Variants in RENBP observed in about 807,000 individuals in gnomAD.
The protein encoded by RENBP is renin binding protein, also known as N-acylglucosamine 2-epimerase.
RENBP carries 16 observed loss-of-function variants against 37.8 expected under a neutral mutation model. The observed-to-expected ratio is 0.42, with a 90% confidence interval of 0.29 to 0.64. The LOEUF is 0.64. Among genes scored for constraint, RENBP ranks in the 30% least tolerant of loss-of-function variants. RENBP has a pLI of 0.19. For synonymous variants in RENBP, 170 were observed against 154.8 expected, an observed-to-expected ratio of 1.10 and a Z score of -0.73; for missense variants, 347 against 379.5, an observed-to-expected ratio of 0.91 and a Z score of 0.71.
At chrX:153,944,475 C>T (rs2065241187) in intron 1 of RENBP, 57 bp from the exon 2 acceptor site, 1 of 1,164,249 alleles carries the variant, frequency 8.6e-7, no homozygotes, top group Non-Finnish European at 1.2e-6. Flanking sequence ...GCCCCCCCAG[C>T]CTCGGGAACC....
At chrX:153,935,434 G>C in intron 10 of RENBP, 30 bp from the exon 11 acceptor site, 1 of 1,142,210 alleles carries the variant, frequency 8.8e-7, no homozygotes, top group South Asian at 1.9e-5. Context: ...GGTAGTGAGG[G>C]CCGGGGGCAG....
intron 8 of RENBP, among the ~76,000 whole-genome samples, 164 bp downstream of exon 8, chrX:153,941,314 G>A (rs1283087658): frequency 9.0e-6 from 1 of 110,615 alleles, no homozygotes; most frequent in African/African-American, 3.3e-5. Context: ...CCCTCTTCTG[G>A]GGTCTGGATC....
chrX:153,936,947 A>T (rs2065205619), intron 9 of RENBP: 1 of 112,141 alleles, frequency 8.9e-6, no homozygotes, highest in Non-Finnish European at 1.9e-5. Context: ...CTATAATCCC[A>T]GCACTTTGAG....
rs782454566 is a variant in RENBP at position 153,944,128 on chromosome X, C to T, written c.165G>A (p.Glu55=). ...HGGFFTCLGR[E]GRVYDDLKYV... ...ACTTGAGGTCATCATACACCCGCCC[C>T]TCGCGGCCAAGGCACGTGAAGAAGC... is the stretch of plus-strand genomic sequence containing the variant. The change falls in exon 3 of 11, where the codon GAG becomes GAA. Residue 55 remains glutamate, a synonymous_variant. Coordinates refer to ENST00000393700, the MANE Select transcript of RENBP (RefSeq NM_002910.6). The T allele has an allele frequency of 1.6e-5, 19 of 1,209,851 alleles. No homozygotes were observed. In the East Asian group the frequency reaches 3.3e-4, roughly 21 times the overall value.
rs782367704 is a variant in RENBP at position 153,942,036 on chromosome X, CGG to C, written c.688-7_688-6del. 12 of 1,187,624 alleles carry C rather than the reference CGG, an allele frequency of 1.0e-5. No individual in the cohort carries two copies. Among genetic ancestry groups the C allele is most frequent in the Non-Finnish European group, 1.4e-5 (12 of 876,263 alleles). ...CAGCACAGCTTGTCCATCCCTCTAC[CGG>C]GAAGGAGCAGAAGGGAATGTTGCCT... On this transcript the variant is annotated splice_polypyrimidine_tract_variant and splice_region_variant and intron_variant, in intron 6 of 10. Transcript: ENST00000393700.
At chrX:153,941,139 CAAAAAAAAA>C (rs56158998) in intron 8 of RENBP, among the ~76,000 whole-genome samples, 2 of 25,931 alleles carry the variant, frequency 7.7e-5, no homozygotes, top group Non-Finnish European at 1.2e-4. Context: ...AACTCCACCT[CAAAAAAAAA>C]AAAAAAAAAA....
At position 153,935,631 on chromosome X, in the gene RENBP, C is replaced by T; in HGVS notation, c.1078-55G>A. The T allele has an allele frequency of 3.0e-6, 3 of 999,657 alleles. No homozygotes were observed. The East Asian group carries it at 9.2e-5, about 31-fold the overall frequency. The allele number at this position is 999,657 out of a possible 1,213,427, so 82.4% of individuals were successfully genotyped here. A position where few individuals can be genotyped will look rare whatever the true frequency, so the allele number is the denominator to read the frequency against. The stretch of plus-strand genomic sequence containing the variant: ...GCCTGCAGGACCCGCCCAGATGCCA[C>T]TGCATCGCTACCAGGGGTCAGAGCC... On this transcript the variant is annotated intron_variant, in intron 9 of 10. Transcript: ENST00000393700.
chrX:153,936,984 G>T, intron 9 of RENBP: 1 of 111,115 alleles, frequency 9.0e-6, no homozygotes, highest in Non-Finnish European at 1.9e-5. Context: ...ATCACTTGAG[G>T]CCAGGAGTTT....
At chrX:153,942,702 C>T (rs1477050069) in intron 6 of RENBP, among the ~76,000 whole-genome samples, 153 bp downstream of exon 6, 1 of 111,635 alleles carries the variant, frequency 9.0e-6, no homozygotes, top group African/African-American at 3.3e-5. Flanking sequence ...CCTGGGGCTC[C>T]GCATCCTCCC....
chrX:153,943,066 T>C lies in RENBP; in HGVS notation c.476A>G (p.Glu159Gly). ...CCAGTGGACGATCTGATCCATCATC[T>C]CCACCGCTTCCGTCTGGGGGTGCAG... Reference protein sequence around the residue: ...GEVRYQTEAVEMMDQIVHWVQ... With the variant: ...GEVRYQTEAVGMMDQIVHWVQ... Residue 159 changes from glutamate (E) to glycine (G), a missense_variant, in exon 6 of 11, where the codon GAG becomes GGG. Glu to Gly is a moderately conservative substitution (Grantham distance 98). Transcript: ENST00000393700. The C allele has an allele frequency of 8.6e-7, 1 of 1,165,042 alleles. No individual in the cohort carries two copies. Among genetic ancestry groups the C allele is most frequent in the South Asian group, 2.0e-5 (1 of 51,176 alleles).
rs2065193290 is a variant in RENBP at position 153,935,303 on chromosome X, A to AGGCGGGGGTGGG, written c.1255_1266dup (p.Pro419_Ala422dup). On this transcript the variant is annotated inframe_insertion, in exon 11 of 11. Transcript: ENST00000393700. ...CTCAGCCTTTATTCCGCGCCTCGGC[A>AGGCGGGGGTGGG]GGCGGGGGTGGGGGCGGGGGAGGGG... 1.3e-5 allele frequency: 11 copies of AGGCGGGGGTGGG among 825,528 alleles called. No homozygotes were observed. The highest frequency in any genetic ancestry group is 4.1e-5 in the East Asian group (1 of 24,177). The allele number at this position is 825,528 out of a possible 1,213,427, so 68.0% of individuals were successfully genotyped here.
intron 7 of RENBP, 28 bp from the exon 8 acceptor site, chrX:153,941,681 G>A (rs782247198): frequency 3.3e-5 from 8 of 244,030 alleles, no homozygotes; most frequent in Admixed American, 2.4e-4. Context: ...ACGGAAGGGC[G>A]GGGGGCGGGG....
chrX:153,937,230 AAATAAATAAAT>A (rs2065207395), intron 9 of RENBP: 1 of 116,307 alleles, frequency 8.6e-6, no homozygotes, highest in Non-Finnish European at 1.7e-5. Flanking sequence ...ATAAATAAAT[AAATAAATAAAT>A]AAAAACTAGT....
intron 10 of RENBP, 38 bp downstream of exon 10, chrX:153,935,451 G>T: frequency 8.6e-7 from 1 of 1,166,387 alleles, no homozygotes. Context: ...GCAGCCGAGA[G>T]GCGCAACCCC....
intron 5 of RENBP, 28 bp from the exon 6 acceptor site, chrX:153,943,107 C>G (rs782237076): frequency 1.0e-5 from 11 of 1,050,578 alleles, no homozygotes; most frequent in Non-Finnish European, 1.4e-5. Context: ...AAGGGGAGGC[C>G]CAGGCTGAGG....
intron 9 of RENBP, among the ~76,000 whole-genome samples, chrX:153,938,464 A>C (rs1248980433): frequency 1.8e-5 from 2 of 112,602 alleles, no homozygotes; most frequent in Non-Finnish European, 3.8e-5. Context: ...AGGGTTCACC[A>C]GTGGAGTCGG....
At position 153,942,972 on chromosome X, in the gene RENBP, C is replaced by T. The variant is rs1160985716; in HGVS notation, c.570G>A (p.Ala190=). ...LQGAPAAEPM[A]VPMMLLNLVE... ...CCAGGTTCAGTAGCATCATGGGCAC[C>T]GCCATGGGCTCCGCAGCCGGGGCCC... The change falls in exon 6 of 11, where the codon GCG becomes GCA. Residue 190 remains alanine, a synonymous_variant. Transcript: ENST00000393700. 5.8e-6 allele frequency: 7 copies of T among 1,208,461 alleles called. No individual in the cohort carries two copies. The highest frequency in any genetic ancestry group is 3.0e-5 in the East Asian group (1 of 33,767).
chrX:153,944,488 C>A (rs2065241269), intron 1 of RENBP, 70 bp from the exon 2 acceptor site: 5 of 1,167,131 alleles, frequency 4.3e-6, no homozygotes, highest in Non-Finnish European at 2.3e-6. Flanking sequence ...CGGGAACCAG[C>A]CCTCAGGGAT....
intron 6 of RENBP, 200 bp from the exon 7 acceptor site, chrX:153,942,231 T>C (rs1223676659): frequency 1.2e-4 from 7 of 60,143 alleles, no homozygotes; most frequent in Non-Finnish European, 1.8e-4. Context: ...CAAGTTGTTG[T>C]TTTTTTTTTT....
Sources: gnomAD v4.1 joint callset for allele counts (sites outside exome capture counted in the v4.1 genomes callset) on GRCh38, gnomAD v4.1.1 for gene constraint, MANE v1.5 for transcripts, NCBI Gene and HGNC (gene_info 2026-07-23, HGNC 2026-07-21) for gene names.